PALM: variants seen among roughly 807,000 people sequenced by gnomAD.
PALM encodes paralemmin-1.
Under a neutral mutation model 30.7 loss-of-function variants are expected in PALM, and 18 were observed. That is an observed-to-expected ratio of 0.59 (90% CI 0.41 to 0.87). The LOEUF (loss-of-function observed/expected upper bound fraction) is 0.87, where lower values mean the gene tolerates loss of function less well. PALM is among the 40% of genes least tolerant of loss of function. The pLI is 0.00. For synonymous variants in PALM, 286 were observed against 242.8 expected, an observed-to-expected ratio of 1.18 and a Z score of -1.66; for missense variants, 529 against 555.4, an observed-to-expected ratio of 0.95 and a Z score of 0.48.
In PALM at chr19:709,145, A is replaced by G; in HGVS notation, c.-2A>G. 2 of 261,646 alleles carry G rather than the reference A, an allele frequency of 7.6e-6. No homozygotes were observed. Among genetic ancestry groups the G allele is most frequent in the Non-Finnish European group, 7.1e-6 (1 of 141,696 alleles). 16.2% of individuals were successfully genotyped at this position (261,646 alleles called of 1,614,324 possible). On this transcript the variant is annotated 5_prime_UTR_variant, in exon 1 of 9. Coordinates refer to ENST00000338448, the MANE Select transcript of PALM (RefSeq NM_002579.3). This position sits in a 1 kb window ranked among gnomAD's most constrained non-coding sequence, Gnocchi z 4.3. ...CGGACCCACCCGGACCTCGGCGGGG[A>G]GATGGAGTGAGTAGGCGCGCTCGGG...
chr19:736,236 G>C lies in PALM; in HGVS notation c.502+158G>C, dbSNP rs112185756. 3,434 of 560,380 alleles carry C rather than the reference G, an allele frequency of 6.1e-3. 94 individuals carry two copies. The highest frequency in any genetic ancestry group is 0.059 in the African/African-American group (2,986 of 50,702). 34.7% of individuals were successfully genotyped at this position (560,380 alleles called of 1,614,324 possible). A position where few individuals can be genotyped will look rare whatever the true frequency, so the allele number is the denominator to read the frequency against. On this transcript the variant is annotated intron_variant, in intron 7 of 8. Transcript: ENST00000338448. ...GGGTGGCAGCTGGACCGAGGCCGAGGCTCCGAGCCTGGGGTGGGGGCCCCC... is the reference window on the plus strand; with the variant it reads ...GGGTGGCAGCTGGACCGAGGCCGAGCCTCCGAGCCTGGGGTGGGGGCCCCC...
intron 7 of PALM, among the ~76,000 whole-genome samples, chr19:738,639 C>G (rs759321971): frequency 6.6e-6 from 1 of 152,036 alleles, no homozygotes; most frequent in Non-Finnish European, 1.5e-5. Flanking sequence ...AGAGTGGGGC[C>G]CCTGTGGATA....
intron 6 of PALM, chr19:734,960 GTCT>G (rs1195209785): frequency 3.9e-6 from 2 of 518,912 alleles, no homozygotes; most frequent in African/African-American, 2.1e-5. Flanking sequence ...TAAGGAGAGT[GTCT>G]TCTTGTCTTA....
chr19:726,584 G>A (rs2144878834), intron 2 of PALM, among the ~76,000 whole-genome samples: 1 of 152,186 alleles, frequency 6.6e-6, no homozygotes, highest in African/African-American at 2.4e-5. Context: ...CCTGTGACGT[G>A]GCCCGATTCC....
rs1389934698 is a variant in PALM at position 746,528 on chromosome 19, G to A, written c.878G>A (p.Gly293Asp). The A allele has an allele frequency of 1.2e-6, 2 of 1,612,964 alleles. No homozygotes were observed. The highest frequency in any genetic ancestry group is 2.2e-5 in the East Asian group (1 of 44,868). ...TCCGGCCCGCCGGGGATCCAGCCCGGCCAGGAGCCCCCGGTCACAATGATC... is the reference window on the plus strand; with the variant it reads ...TCCGGCCCGCCGGGGATCCAGCCCGACCAGGAGCCCCCGGTCACAATGATC... Reference protein sequence around the residue: ...ATSGPPGIQPGQEPPVTMIFM... With the variant: ...ATSGPPGIQPDQEPPVTMIFM... The change falls in exon 9 of 9, where the codon GGC becomes GAC. Residue 293 changes from glycine to aspartate, a missense_variant. Physicochemically the swap from Gly to Asp is moderately conservative, Grantham distance 94. Coordinates refer to ENST00000338448, the MANE Select transcript of PALM (RefSeq NM_002579.3). This position sits in a 1 kb window ranked among gnomAD's most constrained non-coding sequence, Gnocchi z 7.1.
At chr19:743,277 C>G (rs558740086) in intron 8 of PALM, among the ~76,000 whole-genome samples, 2 of 152,188 alleles carry the variant, frequency 1.3e-5, no homozygotes, top group African/African-American at 4.8e-5. Flanking sequence ...CCCCATGCCT[C>G]GTCTTCCGGA....
intron 8 of PALM, among the ~76,000 whole-genome samples, chr19:744,331 C>G (rs961451504): frequency 1.1e-4 from 17 of 149,086 alleles, no homozygotes; most frequent in African/African-American, 4.2e-4. Context: ...ACCCGGGAAG[C>G]AGAGCTTGCA....
rs1409877229 is a variant in PALM at position 709,044 on chromosome 19, C to G, written c.-103C>G. 1 of 177,050 alleles carries G rather than the reference C, an allele frequency of 5.6e-6. No individual in the cohort carries two copies. The highest frequency in any genetic ancestry group is 1.2e-5 in the Non-Finnish European group (1 of 85,784). 11.0% of individuals were successfully genotyped at this position (177,050 alleles called of 1,614,324 possible). On this transcript the variant is annotated 5_prime_UTR_variant, in exon 1 of 9. Transcript: ENST00000338448. This position sits in a 1 kb window ranked among gnomAD's most constrained non-coding sequence, Gnocchi z 4.3. ...CCCGGCCGCCAGGCCTTAGCCCGCC[C>G]CGGCCCCCGCCAGGCCGCGTCCCCC...
chr19:735,021 A>AG, intron 6 of PALM: 1 of 974,002 alleles, frequency 1.0e-6, no homozygotes, highest in South Asian at 4.7e-5. Flanking sequence ...CAGGCCTCTC[A>AG]GGGATTTTGT....
In PALM at chr19:746,517, G is replaced by A. The variant is rs747266629; in HGVS notation, c.867G>A (p.Gly289=). The A allele has an allele frequency of 6.2e-7, 1 of 1,612,862 alleles. No homozygotes were observed. Among genetic ancestry groups the A allele is most frequent in the Non-Finnish European group, 8.5e-7 (1 of 1,179,842 alleles). Residue 289 remains glycine, a synonymous_variant, in exon 9 of 9, where the codon GGG becomes GGA. Coordinates refer to ENST00000338448, the MANE Select transcript of PALM (RefSeq NM_002579.3). This position sits in a 1 kb window ranked among gnomAD's most constrained non-coding sequence, Gnocchi z 7.1. ...GCGAGGCCACGTCCGGCCCGCCGGG[G>A]ATCCAGCCCGGCCAGGAGCCCCCGG... is the stretch of plus-strand genomic sequence containing the variant. ...QPGEATSGPP[G]IQPGQEPPVT... is the part of the protein sequence containing the mutation.
Position 742,440 on chromosome 19 carries a change from G to A in PALM, c.634+1957G>A, listed in dbSNP as rs1251636741. Among the ~76,000 whole-genome samples, 2 of 151,974 alleles carry A rather than the reference G, an allele frequency of 1.3e-5. No homozygotes were observed. Among genetic ancestry groups the A allele is most frequent in the East Asian group, 3.9e-4 (2 of 5,188 alleles). On this transcript the variant is annotated intron_variant, in intron 8 of 8. Transcript: ENST00000338448. This position sits in a 1 kb window ranked among gnomAD's most constrained non-coding sequence, Gnocchi z 5.5. ...GCCAACATGGAGAACCCCCGTCTCT[G>A]CTAAAAATACAAAAATTAGCTGGAC... is the stretch of plus-strand genomic sequence containing the variant.
At position 736,098 on chromosome 19, in the gene PALM, C is replaced by G. The variant is rs1272209329; in HGVS notation, c.502+20C>G. 1.3e-6 allele frequency: 2 copies of G among 1,540,674 alleles called. No individual in the cohort carries two copies. The highest frequency in any genetic ancestry group is 1.8e-5 in the Admixed American group (1 of 56,732). ...AGGCAGGTGGGTTGGCCCCCAGGCT[C>G]TGGGCCCCAGATCCAGCCGCTGTCA... is the stretch of plus-strand genomic sequence containing the variant. On this transcript the variant is annotated intron_variant, in intron 7 of 8. Coordinates refer to ENST00000338448, the MANE Select transcript of PALM (RefSeq NM_002579.3).
At chr19:722,116 C>T (rs1312399311) in intron 1 of PALM, among the ~76,000 whole-genome samples, 1 of 151,862 alleles carries the variant, frequency 6.6e-6, no homozygotes, top group South Asian at 2.1e-4. Flanking sequence ...GACGGGGTTT[C>T]ACCGTGTTAG....
chr19:711,247 A>G (rs2032070548), intron 1 of PALM: 1 of 928,884 alleles, frequency 1.1e-6, no homozygotes, highest in Non-Finnish European at 1.3e-6. Flanking sequence ...TGCTTCGGAG[A>G]GAATCTCTGT....
intron 1 of PALM, among the ~76,000 whole-genome samples, chr19:723,751 C>T (rs971811000): frequency 3.3e-5 from 5 of 152,052 alleles, no homozygotes; most frequent in African/African-American, 7.3e-5. Flanking sequence ...CCATCACGCT[C>T]GGCTAATTTT....
At chr19:745,005 C>A (rs1017932127) in intron 8 of PALM, among the ~76,000 whole-genome samples, 1 of 151,740 alleles carries the variant, frequency 6.6e-6, no homozygotes, top group Non-Finnish European at 1.5e-5. Context: ...CGTGGTGAAA[C>A]CCCATCTCTA....
chr19:732,475 A>G (rs57704148), intron 5 of PALM, among the ~76,000 whole-genome samples: 29 of 152,290 alleles, frequency 1.9e-4, no homozygotes, highest in African/African-American at 7.0e-4. Flanking sequence ...CAGGCACATC[A>G]TTTGAGGTCA....
At position 712,953 on chromosome 19, in the gene PALM, G is replaced by A. The variant is rs370598257; in HGVS notation, c.5+3802G>A. Among the ~76,000 whole-genome samples the A allele has an allele frequency of 2.2e-3, 329 of 152,350 alleles. 1 individual carries two copies. The highest frequency in any genetic ancestry group is 7.3e-3 in the African/African-American group (302 of 41,584). The stretch of plus-strand genomic sequence containing the variant: ...GGCCTCCCAAAATGCTGGCATTACA[G>A]GTGTGAGGCACCGTGCACGGCCCAC... On this transcript the variant is annotated intron_variant, in intron 1 of 8. Transcript: ENST00000338448.
rs1403058012 is a variant in PALM at position 727,076 on chromosome 19, G to A, written c.126G>A (p.Leu42=). 7 of 1,547,266 alleles carry A rather than the reference G, an allele frequency of 4.5e-6. No individual in the cohort carries two copies. The highest frequency in any genetic ancestry group is 2.0e-5 in the Admixed American group (1 of 50,930). Residue 42 remains leucine, a synonymous_variant, in exon 3 of 9, where the codon CTG becomes CTA. Transcript: ENST00000338448. ...AGCTGGAGGACGAGCGGAGGCAGCT[G>A]CAGCACCTGAAGGTACGAGCGGGGC... ...RRQLEDERRQ[L]QHLKSKALRE... is the part of the protein sequence containing the mutation.
Sources: gnomAD v4.1 joint callset for allele counts (sites outside exome capture counted in the v4.1 genomes callset) on GRCh38, gnomAD v4.1.1 for gene constraint, Gnocchi (gnomAD v3.1) non-coding constraint, MANE v1.5 for transcripts, NCBI Gene and HGNC (gene_info 2026-07-23, HGNC 2026-07-21) for gene names.